The following DOCK4 variants were observed in gnomAD, a reference collection of about 807,000 sequenced individuals.
The protein encoded by DOCK4 is dedicator of cytokinesis 4.
DOCK4 carries 97 observed loss-of-function variants against 268.1 expected under a neutral mutation model. The ratio of observed to expected loss-of-function variants is 0.36; its 90% CI spans 0.31 to 0.43. The LOEUF is 0.43. Among genes scored for constraint, DOCK4 ranks in the 20% least tolerant of loss-of-function variants. The pLI is 1.00. For missense variants in DOCK4, 2,145 were observed against 2,455.7 expected, an observed-to-expected ratio of 0.87 and a Z score of 2.67; for synonymous variants, 954 against 887.2, an observed-to-expected ratio of 1.08 and a Z score of -1.34.
intron 1 of DOCK4, among the ~76,000 whole-genome samples, chr7:112,190,569 G>A (rs1484561244): frequency 1.3e-5 from 2 of 152,088 alleles, no homozygotes; most frequent in Non-Finnish European, 2.9e-5. Context: ...GACAGCGTAT[G>A]AGAGAAAGAA....
intron 1 of DOCK4, among the ~76,000 whole-genome samples, chr7:112,089,666 A>T (rs1809443450): frequency 6.6e-6 from 1 of 151,892 alleles, no homozygotes; most frequent in Non-Finnish European, 1.5e-5. Flanking sequence ...TTTCCTCCTT[A>T]TTGTTCTGAT....
At chr7:111,993,173 T>C (rs1586593078) in intron 5 of DOCK4, among the ~76,000 whole-genome samples, 3 of 152,312 alleles carry the variant, frequency 2.0e-5, no homozygotes, top group African/African-American at 7.2e-5. Context: ...CCTATTGCAT[T>C]TCAGATGTAA....
intron 42 of DOCK4, among the ~76,000 whole-genome samples, chr7:111,749,730 T>TATC (rs1179472108): frequency 1.3e-5 from 2 of 152,188 alleles, no homozygotes; most frequent in African/African-American, 4.8e-5. Context: ...TATGAAAACA[T>TATC]ATCTTCACTT....
intron 1 of DOCK4, among the ~76,000 whole-genome samples, chr7:112,106,483 C>T (rs1201914254): frequency 6.6e-6 from 1 of 152,198 alleles, no homozygotes; most frequent in African/African-American, 2.4e-5. Flanking sequence ...TCTGCTCTGA[C>T]ATTTAGACAT....
Position 112,205,144 on chromosome 7 carries a change from G to C in DOCK4, c.37+958C>G, listed in dbSNP as rs541827573. Among the ~76,000 whole-genome samples, 91 of 152,212 alleles carry C rather than the reference G, an allele frequency of 6.0e-4. 1 individual carries two copies. Among genetic ancestry groups the C allele is most frequent in the Non-Finnish European group, 2.9e-4 (20 of 68,010 alleles). ...CTGTAACCCGCCTGAAATGGGAGGA[G>C]GAAAAGGAAGGGAGACTCCTGTATT... On this transcript the variant is annotated intron_variant, in intron 1 of 52. Coordinates refer to ENST00000428084, the MANE Select transcript of DOCK4 (RefSeq NM_001363540.2).
Position 111,823,873 on chromosome 7 carries a change from CAT to C in DOCK4, c.2836-1419_2836-1418del, listed in dbSNP as rs1423463014. On this transcript the variant is annotated intron_variant, in intron 26 of 52. Transcript: ENST00000428084. ...TGAATGTAAGATTATGGTTGTCACTCATGTGCACAGAAGACAGAAAAAATCTA... is the reference window on the plus strand; with the variant it reads ...TGAATGTAAGATTATGGTTGTCACTCGTGCACAGAAGACAGAAAAAATCTA... Among the ~76,000 whole-genome samples the C allele has an allele frequency of 5.3e-5, 8 of 152,322 alleles. No individual in the cohort carries two copies. In the South Asian group the frequency reaches 1.0e-3, roughly 20 times the overall value.
At chr7:112,039,384 G>A (rs1467002559) in intron 1 of DOCK4, among the ~76,000 whole-genome samples, 5 of 135,432 alleles carry the variant, frequency 3.7e-5, no homozygotes, top group Non-Finnish European at 8.0e-5. Flanking sequence ...GGGGGGGGGG[G>A]CTTAAAGATG....
chr7:111,951,858 A>T (rs949301351), intron 8 of DOCK4, among the ~76,000 whole-genome samples: 5 of 151,888 alleles, frequency 3.3e-5, no homozygotes, highest in Non-Finnish European at 7.4e-5. Flanking sequence ...CAGGGGTAAG[A>T]CCTTGTCTCA....
chr7:112,115,132 A>G (rs936121939), intron 1 of DOCK4, among the ~76,000 whole-genome samples: 1 of 152,202 alleles, frequency 6.6e-6, no homozygotes, highest in Admixed American at 6.5e-5. Context: ...TCTGCCCAGA[A>G]TACACCTATC....
intron 1 of DOCK4, among the ~76,000 whole-genome samples, chr7:112,143,492 T>C (rs924044766): frequency 6.6e-6 from 1 of 152,200 alleles, no homozygotes; most frequent in African/African-American, 2.4e-5. Context: ...AAGCTACAAC[T>C]CTCTATCAAA....
At chr7:111,854,563 G>C (rs1716012236) in intron 23 of DOCK4, among the ~76,000 whole-genome samples, 1 of 152,138 alleles carries the variant, frequency 6.6e-6, no homozygotes, top group Non-Finnish European at 1.5e-5. Flanking sequence ...TGCTACATTA[G>C]TAGAGACAGG....
intron 1 of DOCK4, among the ~76,000 whole-genome samples, chr7:112,165,411 C>T (rs1418295845): frequency 2.0e-5 from 3 of 151,944 alleles, no homozygotes; most frequent in African/African-American, 4.8e-5. Context: ...TGAGAACATG[C>T]GGAATCTGTC....
At chr7:111,981,280 C>A (rs1011507865) in intron 7 of DOCK4, among the ~76,000 whole-genome samples, 3 of 152,176 alleles carry the variant, frequency 2.0e-5, no homozygotes, top group Non-Finnish European at 4.4e-5. Flanking sequence ...TGGTGCCTCC[C>A]AGCTCTCCCT....
chr7:112,166,987 G>T (rs1817664466), intron 1 of DOCK4, among the ~76,000 whole-genome samples: 1 of 151,988 alleles, frequency 6.6e-6, no homozygotes. Context: ...CACTGTATTT[G>T]TTGGGGCTGT....
At chr7:112,181,257 C>A (rs1469343387) in intron 1 of DOCK4, among the ~76,000 whole-genome samples, 1 of 152,094 alleles carries the variant, frequency 6.6e-6, no homozygotes, top group Non-Finnish European at 1.5e-5. Flanking sequence ...AAATTCCACA[C>A]TGAAGTCCAT....
In DOCK4 at chr7:111,903,039, A is replaced by AAGAAAGAAAATCACT. The variant is rs373170293; in HGVS notation, c.1193-1253_1193-1239dup. On this transcript the variant is annotated intron_variant, in intron 13 of 52. Coordinates refer to ENST00000428084, the MANE Select transcript of DOCK4 (RefSeq NM_001363540.2). ...GTTTTCTAATAAAAAATTTCCCCATAAGAAAGAAAATCACTAGAAAGAAAA... is the reference window on the plus strand; with the variant it reads ...GTTTTCTAATAAAAAATTTCCCCATAAGAAAGAAAATCACTAGAAAGAAAATCACTAGAAAGAAAA... Among the ~76,000 whole-genome samples the AAGAAAGAAAATCACT allele has an allele frequency of 3.9e-3, 593 of 152,294 alleles. 6 individuals carry two copies. The highest frequency in any genetic ancestry group is 0.014 in the African/African-American group (567 of 41,564).
chr7:111,916,979 T>G (rs1321455647), intron 12 of DOCK4, among the ~76,000 whole-genome samples: 1 of 125,426 alleles, frequency 8.0e-6, no homozygotes. Flanking sequence ...CTTTCCCCCA[T>G]GTTTTTTTTT....
chr7:111,834,814 C>T, intron 25 of DOCK4, 128 bp from the exon 26 acceptor site: 3 of 566,858 alleles, frequency 5.3e-6, no homozygotes, highest in Non-Finnish European at 8.5e-6. Flanking sequence ...CAAACTTGCC[C>T]TGTGAAGTCT....
intron 2 of DOCK4, among the ~76,000 whole-genome samples, chr7:112,002,712 G>A (rs755815581): frequency 2.1e-4 from 32 of 152,146 alleles, no homozygotes; most frequent in South Asian, 8.3e-4. Flanking sequence ...GAGTATTTTC[G>A]GATATACTAA....
Sources: gnomAD v4.1 joint callset for allele counts (sites outside exome capture counted in the v4.1 genomes callset) on GRCh38, gnomAD v4.1.1 for gene constraint, MANE v1.5 for transcripts, NCBI Gene and HGNC (gene_info 2026-07-23, HGNC 2026-07-21) for gene names.